The following FANCD2 variants were observed in gnomAD, a reference collection of about 807,000 sequenced individuals.
FANCD2 encodes Fanconi anemia group D2 protein.
FANCD2 carries 131 observed loss-of-function variants against 192.3 expected under a neutral mutation model. The ratio of observed to expected loss-of-function variants is 0.68; its 90% confidence interval spans 0.59 to 0.79. The LOEUF (loss-of-function observed/expected upper bound fraction) is 0.79. Among genes scored for constraint, FANCD2 ranks in the 30% least tolerant of loss-of-function variants. The pLI, the probability that FANCD2 is intolerant of heterozygous loss-of-function variation, is 0.00. For missense variants in FANCD2, 1,508 were observed against 1,701.6 expected, an observed-to-expected ratio of 0.89 and a Z score of 2.00; for synonymous variants, 524 against 612.5, an observed-to-expected ratio of 0.86 and a Z score of 2.13.
At chr3:10,040,555 C>T (rs1196897346) in intron 9 of FANCD2, 4 of 456,592 alleles carry the variant, frequency 8.8e-6, no homozygotes, top group African/African-American at 2.0e-5. Flanking sequence ...TTCTAATGCA[C>T]AGTCCTGCAT....
chr3:10,066,213 C>G (rs74524210), intron 25 of FANCD2, among the ~76,000 whole-genome samples: 31 of 152,294 alleles, frequency 2.0e-4, no homozygotes, highest in African/African-American at 2.9e-4. Flanking sequence ...GCTGCCTTCT[C>G]CCTAGAATGA....
At position 10,096,304 on chromosome 3, in the gene FANCD2, G is replaced by T. The variant is rs769332990; in HGVS notation, c.4039-22G>T. ...CATGATGATAAACTCACAAAAGATGGATGTTATTTATTTCCATTCAGATTC... is the reference window on the plus strand; with the variant it reads ...CATGATGATAAACTCACAAAAGATGTATGTTATTTATTTCCATTCAGATTC... On this transcript the variant is annotated intron_variant, in intron 41 of 43. Transcript: ENST00000675286. The T allele has an allele frequency of 8.1e-6, 13 of 1,613,102 alleles. No individual in the cohort carries two copies. The Admixed American group carries it at 1.0e-4, about 12-fold the overall frequency.
intron 30 of FANCD2, among the ~76,000 whole-genome samples, chr3:10,079,547 GC>G (rs1172129048): frequency 6.6e-6 from 1 of 151,750 alleles, no homozygotes; most frequent in Non-Finnish European, 1.5e-5. Flanking sequence ...CTCATGATCC[GC>G]CCACCTCGGC....
chr3:10,047,779 A>T, intron 15 of FANCD2, 138 bp from the exon 16 acceptor site: 1 of 993,624 alleles, frequency 1.0e-6, no homozygotes, highest in East Asian at 2.4e-5. Context: ...TTTGTGTAAA[A>T]CAAAGATTAA....
At chr3:10,036,241 G>A in intron 6 of FANCD2, 46 bp from the exon 7 acceptor site, 1 of 1,482,594 alleles carries the variant, frequency 6.7e-7, no homozygotes, top group Non-Finnish European at 9.4e-7. Context: ...CATTTCTATT[G>A]TGTATTTTGA....
chr3:10,040,707 A>AT (rs762172462), intron 9 of FANCD2: 8 of 364,232 alleles, frequency 2.2e-5, no homozygotes, highest in African/African-American at 1.1e-4. Flanking sequence ...TACTAGAAGT[A>AT]TTTTTTTTAA....
At chr3:10,072,318 G>A (rs1439820860) in intron 26 of FANCD2, among the ~76,000 whole-genome samples, 4 of 137,890 alleles carry the variant, frequency 2.9e-5, no homozygotes, top group East Asian at 2.1e-4. Context: ...TTGCTTTGTC[G>A]CCCAGGCTGG....
chr3:10,098,634 G>A lies in FANCD2; in HGVS notation c.4186-86G>A. On this transcript the variant is annotated intron_variant, in intron 42 of 43. Transcript: ENST00000675286. ...TTGAATGGCTAAAATATCTTCCTTTGTATTGCCTGTAAACTCAACCTTCTC... is the reference window on the plus strand; with the variant it reads ...TTGAATGGCTAAAATATCTTCCTTTATATTGCCTGTAAACTCAACCTTCTC... 3 of 1,510,324 alleles carry A rather than the reference G, an allele frequency of 2.0e-6. No individual in the cohort carries two copies. In the South Asian group the frequency reaches 3.6e-5, roughly 18 times the overall value. The allele number at this position is 1,510,324 out of a possible 1,614,324, so 93.6% of individuals were successfully genotyped here. A position where few individuals can be genotyped will look rare whatever the true frequency, so the allele number is the denominator to read the frequency against.
At chr3:10,078,887 T>C (rs984523268) in intron 30 of FANCD2, among the ~76,000 whole-genome samples, 1 of 150,506 alleles carries the variant, frequency 6.6e-6, no homozygotes, top group Admixed American at 6.6e-5. Flanking sequence ...AGGAGGAGGT[T>C]GCAGTGAGCT....
intron 1 of FANCD2, among the ~76,000 whole-genome samples, chr3:10,028,249 C>T (rs894955139): frequency 2.0e-5 from 3 of 152,098 alleles, no homozygotes; most frequent in Admixed American, 2.0e-4. Context: ...GGACAGGGAT[C>T]ATGTCTGTCT....
rs1238194770 is a variant in FANCD2, at chr3:10,051,208, G to A, written c.1546-1179G>A. 6.7e-5 allele frequency among the ~76,000 whole-genome samples: 10 copies of A among 149,632 alleles called. No homozygotes were observed. In the East Asian group the frequency reaches 9.8e-4, roughly 15 times the overall value. ...ATCCCGGCTAAAACGGTGAAACCCC[G>A]TCTCTACTAAAAATACAAAAAAATT... On this transcript the variant is annotated intron_variant, in intron 17 of 43. Transcript: ENST00000675286.
intron 43 of FANCD2, chr3:10,099,676 T>G (rs1695189836): frequency 6.5e-6 from 1 of 153,172 alleles, no homozygotes; most frequent in African/African-American, 2.4e-5. Flanking sequence ...GAGAATCACT[T>G]GAACCTGGGA....
chr3:10,071,315 T>C (rs1342782186), intron 26 of FANCD2, among the ~76,000 whole-genome samples: 1 of 151,998 alleles, frequency 6.6e-6, no homozygotes, highest in Non-Finnish European at 1.5e-5. Context: ...AGAATCACCA[T>C]ATGATCCAGG....
In FANCD2 at chr3:10,091,770, A is replaced by G. The variant is rs559744107; in HGVS notation, c.3778-411A>G. On this transcript the variant is annotated intron_variant, in intron 37 of 43. Transcript: ENST00000675286. ...ACAAAACAAAAACAAAAAACAGCTT[A>G]GGAGAAAACTTGGACCCAAGACATA... Among the ~76,000 whole-genome samples the G allele has an allele frequency of 3.3e-5, 5 of 152,334 alleles. No homozygotes were observed. In the South Asian group the frequency reaches 1.0e-3, roughly 32 times the overall value.
chr3:10,101,364 CT>C lies in FANCD2; in HGVS notation c.*108del. The C allele has an allele frequency of 7.4e-6, 5 of 675,880 alleles. No individual in the cohort carries two copies. Among genetic ancestry groups the C allele is most frequent in the Non-Finnish European group, 1.0e-5 (4 of 399,262 alleles). 41.9% of individuals were successfully genotyped at this position (675,880 alleles called of 1,614,324 possible). A position where few individuals can be genotyped will look rare whatever the true frequency, so the allele number is the denominator to read the frequency against. On this transcript the variant is annotated 3_prime_UTR_variant, in exon 44 of 44. Coordinates refer to ENST00000675286, the MANE Select transcript of FANCD2 (RefSeq NM_001018115.3). The stretch of plus-strand genomic sequence containing the variant: ...GTTTGCCTTTCTTACTGGTAGGATC[CT>C]TTTTTGTTCCTCTTTTTTTTTTTTT...
chr3:10,042,938 T>G (rs1168702344), intron 11 of FANCD2, 112 bp from the exon 12 acceptor site: 7 of 979,886 alleles, frequency 7.1e-6, no homozygotes, highest in Non-Finnish European at 1.1e-5. Context: ...TGTCCAACAT[T>G]TAAATTTTTT....
At chr3:10,092,879 A>AC (rs965153083) in intron 38 of FANCD2, among the ~76,000 whole-genome samples, 1 of 151,586 alleles carries the variant, frequency 6.6e-6, no homozygotes, top group African/African-American at 2.4e-5. Context: ...TTTTGTGGAA[A>AC]CAGGGTCTCA....
chr3:10,095,304 C>T, intron 41 of FANCD2, 30 bp downstream of exon 41: 5 of 1,591,806 alleles, frequency 3.1e-6, no homozygotes, highest in Non-Finnish European at 3.4e-6. Context: ...CTATCAGCAG[C>T]CTGCCTGTTG....
intron 9 of FANCD2, 185 bp downstream of exon 9, chr3:10,040,030 TTTC>T (rs540596455): frequency 3.5e-6 from 2 of 570,168 alleles, no homozygotes; most frequent in Non-Finnish European, 5.9e-6. Flanking sequence ...ATCCACATAC[TTTC>T]TTTTTTTTTT....
Sources: gnomAD v4.1 joint callset for allele counts (sites outside exome capture counted in the v4.1 genomes callset) on GRCh38, gnomAD v4.1.1 for gene constraint, MANE v1.5 for transcripts, NCBI Gene and HGNC (gene_info 2026-07-23, HGNC 2026-07-21) for gene names.